BCKDHB: variants seen among roughly 807,000 people sequenced by gnomAD.
BCKDHB encodes the protein 2-oxoisovalerate dehydrogenase subunit beta, mitochondrial.
BCKDHB carries 41 observed loss-of-function variants against 48.5 expected under a neutral mutation model. That is an observed-to-expected ratio of 0.85 (90% confidence interval 0.66 to 1.10). The LOEUF (loss-of-function observed/expected upper bound fraction) is 1.10. Among genes scored for constraint, BCKDHB ranks in the 50% least tolerant of loss-of-function variants. The pLI is 0.00. For missense variants in BCKDHB, 496 were observed against 494.2 expected (o/e 1.00, Z -0.03); for synonymous variants, 201 against 174.8 (o/e 1.15, Z -1.18).
chr6:80,277,249 T>C (rs1403507120), intron 9 of BCKDHB, among the ~76,000 whole-genome samples: 2 of 152,256 alleles, frequency 1.3e-5, no homozygotes, highest in East Asian at 3.9e-4. Context: ...GAAAATTATA[T>C]GAATGAATTT....
chr6:80,330,548 A>G (rs1265277991), intron 9 of BCKDHB, among the ~76,000 whole-genome samples: 1 of 152,174 alleles, frequency 6.6e-6, no homozygotes, highest in African/African-American at 2.4e-5. Flanking sequence ...GCATACCTAA[A>G]ATGAGACACC....
the BCKDHB span, among the ~76,000 whole-genome samples, chr6:80,360,743 T>A: frequency 0.45 from 67,655 of 151,864 alleles, 15,360 homozygotes; most frequent in East Asian, 0.56. Flanking sequence ...CAGTGGCTCA[T>A]GCCTGTAATC....
At chr6:80,379,699 A>G in the BCKDHB span, among the ~76,000 whole-genome samples, 1 of 152,076 alleles carries the variant, frequency 6.6e-6, no homozygotes, top group African/African-American at 2.4e-5. Flanking sequence ...AGAAAACCCT[A>G]AAGGCTCCTC....
the BCKDHB span, among the ~76,000 whole-genome samples, chr6:80,396,664 A>T: frequency 3.3e-5 from 5 of 152,208 alleles, no homozygotes; most frequent in African/African-American, 1.2e-4. Context: ...AGTTATGCCC[A>T]TGCAGCTGTT....
intron 8 of BCKDHB, among the ~76,000 whole-genome samples, chr6:80,261,462 A>G (rs1193562331): frequency 6.6e-6 from 1 of 151,674 alleles, no homozygotes; most frequent in Admixed American, 6.6e-5. Context: ...TTGTCCCTGT[A>G]TTTTTCAGAC....
intron 9 of BCKDHB, among the ~76,000 whole-genome samples, chr6:80,298,558 A>G (rs967784106): frequency 6.6e-6 from 1 of 152,252 alleles, no homozygotes; most frequent in Admixed American, 6.5e-5. Flanking sequence ...TGGTAAAGGT[A>G]GAACAGATAT....
At chr6:80,421,840 C>A in the BCKDHB span, among the ~76,000 whole-genome samples, 1 of 152,116 alleles carries the variant, frequency 6.6e-6, no homozygotes, top group African/African-American at 2.4e-5. Flanking sequence ...AAAGAGAATA[C>A]CTGAAACTGG....
chr6:80,228,105 A>C (rs1775758761), intron 8 of BCKDHB, among the ~76,000 whole-genome samples: 1 of 152,210 alleles, frequency 6.6e-6, no homozygotes, highest in South Asian at 2.1e-4. Flanking sequence ...TAGAGGAATA[A>C]ATTTAAAGTG....
intron 8 of BCKDHB, among the ~76,000 whole-genome samples, chr6:80,231,793 C>T (rs1014547860): frequency 7.9e-5 from 12 of 152,112 alleles, no homozygotes; most frequent in Non-Finnish European, 1.3e-4. Context: ...GGTGAAACCC[C>T]GTCTCTACTA....
At chr6:80,224,390 T>G (rs539851103) in intron 8 of BCKDHB, among the ~76,000 whole-genome samples, 11 of 151,722 alleles carry the variant, frequency 7.3e-5, no homozygotes, top group African/African-American at 2.4e-4. Context: ...AAGAGAGATT[T>G]TTTTCTTTCC....
chr6:80,430,722 G>T, the BCKDHB span, among the ~76,000 whole-genome samples: 262 of 151,874 alleles, frequency 1.7e-3, no homozygotes, highest in African/African-American at 5.9e-3. Flanking sequence ...TCTTCTTTAT[G>T]AGTCTCGCTA....
At chr6:80,335,566 A>G (rs72910216) in intron 9 of BCKDHB, among the ~76,000 whole-genome samples, 2,820 of 152,182 alleles carry the variant, frequency 0.019, 36 homozygotes, top group Non-Finnish European at 0.029. Flanking sequence ...TAACAAAAGC[A>G]TGGTAGCCCA....
chr6:80,243,022 G>A (rs1163997926), intron 8 of BCKDHB, among the ~76,000 whole-genome samples: 1 of 152,104 alleles, frequency 6.6e-6, no homozygotes, highest in Non-Finnish European at 1.5e-5. Context: ...GGTTAATCGG[G>A]AAACGACTCA....
chr6:80,167,761 G>T lies in BCKDHB; in HGVS notation c.427G>T (p.Ala143Ser). 1 of 1,613,816 alleles carries T rather than the reference G, an allele frequency of 6.2e-7. No individual in the cohort carries two copies. The highest frequency in any genetic ancestry group is 2.2e-5 in the East Asian group (1 of 44,856). The change falls in exon 4 of 10, where the codon GCC (alanine) becomes TCC (serine). Residue 143 changes from alanine to serine, a missense_variant. Ala to Ser is a moderately conservative substitution (Grantham distance 99, BLOSUM62 1). Coordinates refer to ENST00000320393, the MANE Select transcript of BCKDHB (RefSeq NM_183050.4). ...GIGIAVTGAT[A>S]IAEIQFADYI... ...CGGAATTGCGGTCACTGGAGCTACT[G>T]CCATTGCGGAAATTCAGTTTGCAGA...
At chr6:80,166,564 G>A (rs1224629648) in intron 3 of BCKDHB, among the ~76,000 whole-genome samples, 1 of 151,848 alleles carries the variant, frequency 6.6e-6, no homozygotes, top group African/African-American at 2.4e-5. Flanking sequence ...GCTGAGGCAG[G>A]AGAATGGCTT....
At chr6:80,245,797 C>G (rs560655603) in intron 8 of BCKDHB, among the ~76,000 whole-genome samples, 1 of 152,042 alleles carries the variant, frequency 6.6e-6, no homozygotes, top group Non-Finnish European at 1.5e-5. Context: ...AAGAGAGGGC[C>G]GGGCACGGTG....
At chr6:80,396,283 C>T in the BCKDHB span, among the ~76,000 whole-genome samples, 4 of 152,208 alleles carry the variant, frequency 2.6e-5, no homozygotes, top group African/African-American at 9.6e-5. Flanking sequence ...CCCTGCAAAG[C>T]CACAGGGCTG....
In BCKDHB at chr6:80,129,150, C is replaced by CTGAA. The variant is rs1770496649; in HGVS notation, c.275-9_275-8insAATG. ...TTAAATAAAATGTATTATTTAAATA[C>CTGAA]TGTTTTTCAGTAATATTTGGTGAAG... is the stretch of plus-strand genomic sequence containing the variant. On this transcript the variant is annotated splice_polypyrimidine_tract_variant and intron_variant, in intron 2 of 9. Coordinates refer to ENST00000320393, the MANE Select transcript of BCKDHB (RefSeq NM_183050.4). 6.3e-7 allele frequency: 1 copy of CTGAA among 1,584,516 alleles called. No individual in the cohort carries two copies. Among genetic ancestry groups the CTGAA allele is most frequent in the Middle Eastern group, 1.7e-4 (1 of 5,776 alleles).
chr6:80,233,086 C>T (rs1006615384), intron 8 of BCKDHB, among the ~76,000 whole-genome samples: 3 of 152,106 alleles, frequency 2.0e-5, no homozygotes, highest in African/African-American at 7.2e-5. Flanking sequence ...GTCCAATACT[C>T]ATGCTTAATA....
Sources: gnomAD v4.1 joint callset for allele counts (sites outside exome capture counted in the v4.1 genomes callset) on GRCh38, gnomAD v4.1.1 for gene constraint, MANE v1.5 for transcripts, NCBI Gene and HGNC (gene_info 2026-07-23, HGNC 2026-07-21) for gene names.